The following COBLL1 variants were observed in gnomAD, a reference collection of about 807,000 sequenced individuals.
COBLL1 encodes the protein cordon-bleu protein-like 1.
A neutral mutation model predicts 94.8 loss-of-function variants in COBLL1; 50 were observed. The ratio of observed to expected loss-of-function variants is 0.53; its 90% CI spans 0.42 to 0.67. The LOEUF is 0.67. Among genes scored for constraint, COBLL1 ranks in the 30% least tolerant of loss-of-function variants. The probability of loss-of-function intolerance (pLI) is 0.00; values close to 1 mark genes in which losing one functional copy is unlikely to be tolerated. For synonymous variants in COBLL1, 448 were observed against 473.8 expected (o/e 0.95, Z 0.71); for missense variants, 1,362 against 1,348.7 (o/e 1.01, Z -0.15).
chr2:164,692,200 C>T, intron 13 of COBLL1, 21 bp downstream of exon 13: 1 of 1,561,878 alleles, frequency 6.4e-7, no homozygotes, highest in Non-Finnish European at 8.6e-7. Context: ...CACTGTCACC[C>T]ATCTGATAAA....
At chr2:164,794,388 C>T (rs1164803264) in intron 2 of COBLL1, among the ~76,000 whole-genome samples, 2 of 152,002 alleles carry the variant, frequency 1.3e-5, no homozygotes, top group African/African-American at 4.8e-5. Flanking sequence ...GTATGTTACA[C>T]CTAGGGAAGG....
Position 164,841,009 on chromosome 2 carries a change from C to G in COBLL1, c.41+147G>C. On this transcript the variant is annotated intron_variant, in intron 2 of 13. Transcript: ENST00000652658. The surrounding 1 kb of genome is among the most constrained non-coding windows in gnomAD (Gnocchi z 5.5). ...GGCCTCCGAGAAGGCCGGGAGGAAG[C>G]AGCCTCCCCGGCCGCGTGGAGGACA... 1 of 897,366 alleles carries G rather than the reference C, an allele frequency of 1.1e-6. No homozygotes were observed. Among genetic ancestry groups the G allele is most frequent in the Non-Finnish European group, 1.5e-6 (1 of 685,394 alleles). The allele number at this position is 897,366 out of a possible 1,614,324, so 55.6% of individuals were successfully genotyped here. A position where few individuals can be genotyped will look rare whatever the true frequency, so the allele number is the denominator to read the frequency against.
At chr2:164,781,042 C>T (rs1338810162) in intron 2 of COBLL1, among the ~76,000 whole-genome samples, 1 of 152,128 alleles carries the variant, frequency 6.6e-6, no homozygotes, top group African/African-American at 2.4e-5. Flanking sequence ...ACAGCAGTAA[C>T]GCATTTCCCT....
At chr2:164,718,470 T>C (rs1231669445) in intron 7 of COBLL1, among the ~76,000 whole-genome samples, 1 of 152,172 alleles carries the variant, frequency 6.6e-6, no homozygotes, top group East Asian at 1.9e-4. Flanking sequence ...ATGTAGTATA[T>C]GGCCACCTGA....
chr2:164,702,691 G>A (rs1295996871), intron 9 of COBLL1, among the ~76,000 whole-genome samples: 2 of 151,798 alleles, frequency 1.3e-5, no homozygotes, highest in Non-Finnish European at 2.9e-5. Flanking sequence ...TGTCACCCAG[G>A]CTGGAGTTCA....
At chr2:164,697,828 T>TA (rs1256320396) in intron 11 of COBLL1, 1 of 152,096 alleles carries the variant, frequency 6.6e-6, no homozygotes, top group Non-Finnish European at 1.5e-5. Context: ...ACAATGATGT[T>TA]AACCAAGTGT....
In COBLL1 at chr2:164,686,590, A is replaced by T. The variant is rs113299474; in HGVS notation, c.3301-558T>A. 2.8e-3 allele frequency among the ~76,000 whole-genome samples: 379 copies of T among 133,416 alleles called. 4 individuals are homozygous for T. Among genetic ancestry groups the T allele is most frequent in the African/African-American group, 8.4e-3 (314 of 37,574 alleles). 87.5% of individuals were successfully genotyped at this position (133,416 alleles called of 152,430 possible). On this transcript the variant is annotated intron_variant, in intron 13 of 13. Coordinates refer to ENST00000652658, the MANE Select transcript of COBLL1 (RefSeq NM_001365672.2). ...TGTTAAGCCAAATGACTGAAGACTG[A>T]AAAGGAGTTTTTTTTTTTTCCTTAG... is the stretch of plus-strand genomic sequence containing the variant.
intron 11 of COBLL1, chr2:164,696,926 C>T (rs1683978908): frequency 1.3e-5 from 2 of 152,198 alleles, no homozygotes; most frequent in South Asian, 2.1e-4. Flanking sequence ...AAATGTGAGC[C>T]TTGGGGGTCA....
rs768507298 is a variant in COBLL1, at chr2:164,691,940, TA to T, written c.3300+280del. Among the ~76,000 whole-genome samples the T allele has an allele frequency of 6.4e-4, 98 of 152,314 alleles. No individual in the cohort carries two copies. The Middle Eastern group carries it at 0.02, about 32-fold the overall frequency. ...AAGAGTCTTTCTCGAGGTGCTAACA[TA>T]ATCTCTTAAAATCAGAGTCCAGGGT... On this transcript the variant is annotated intron_variant, in intron 13 of 13. Coordinates refer to ENST00000652658, the MANE Select transcript of COBLL1 (RefSeq NM_001365672.2).
chr2:164,780,235 T>A (rs1688671233), intron 2 of COBLL1, among the ~76,000 whole-genome samples: 1 of 152,120 alleles, frequency 6.6e-6, no homozygotes, highest in African/African-American at 2.4e-5. Flanking sequence ...GGGACTGTTG[T>A]AACCAAAGTT....
intron 2 of COBLL1, among the ~76,000 whole-genome samples, chr2:164,765,654 A>C (rs1414309015): frequency 6.6e-6 from 1 of 152,074 alleles, no homozygotes; most frequent in African/African-American, 2.4e-5. Flanking sequence ...AGTAATGAAT[A>C]CTCTCACCTT....
chr2:164,716,218 C>A (rs915359529), intron 7 of COBLL1, among the ~76,000 whole-genome samples: 3 of 152,096 alleles, frequency 2.0e-5, no homozygotes, highest in Non-Finnish European at 4.4e-5. Flanking sequence ...TCAATGTAAT[C>A]GAATTTCTGA....
intron 2 of COBLL1, among the ~76,000 whole-genome samples, chr2:164,818,528 TATAC>T (rs1344530639): frequency 6.9e-6 from 1 of 144,358 alleles, no homozygotes; most frequent in Admixed American, 7.1e-5. Flanking sequence ...TTATATACAA[TATAC>T]ATATTTACAT....
intron 7 of COBLL1, chr2:164,718,166 G>T: frequency 1.5e-6 from 1 of 668,268 alleles, no homozygotes; most frequent in Non-Finnish European, 1.8e-6. Context: ...TATGAAAGCA[G>T]TGATTAATGT....
At chr2:164,798,454 G>A (rs891705072) in intron 2 of COBLL1, among the ~76,000 whole-genome samples, 3 of 152,122 alleles carry the variant, frequency 2.0e-5, no homozygotes, top group Non-Finnish European at 4.4e-5. Flanking sequence ...TTACTCTGAC[G>A]TTACATACTC....
intron 3 of COBLL1, among the ~76,000 whole-genome samples, chr2:164,741,893 G>A (rs1686618725): frequency 1.3e-5 from 2 of 152,134 alleles, no homozygotes; most frequent in Admixed American, 1.3e-4. Flanking sequence ...TTAGACTTGA[G>A]GAGGATGAAG....
rs1295916082 is a variant in COBLL1, at chr2:164,695,489, T to C, written c.1903A>G (p.Asn635Asp). ...SKVEECVQTS[N>D]NNISTQHSCL... is the part of the protein sequence containing the mutation. ...GAGTGTTGAGTTGATATGTTGTTAT[T>C]TGAAGTTTGCACACATTCTTCAACT... is the stretch of plus-strand genomic sequence containing the variant. Residue 635 changes from asparagine (N) to aspartate (D), a missense_variant, in exon 12 of 14, where the codon AAT becomes GAT. Coordinates refer to ENST00000652658, the MANE Select transcript of COBLL1 (RefSeq NM_001365672.2). 2.5e-6 allele frequency: 4 copies of C among 1,613,988 alleles called. No homozygotes were observed. In the East Asian group the frequency reaches 6.7e-5, roughly 27 times the overall value.
intron 10 of COBLL1, 66 bp downstream of exon 10, chr2:164,700,456 A>T: frequency 1.0e-6 from 1 of 955,364 alleles, no homozygotes; most frequent in Non-Finnish European, 1.6e-6. Flanking sequence ...TATCAGATCT[A>T]TATTTCAGAA....
intron 2 of COBLL1, among the ~76,000 whole-genome samples, chr2:164,830,459 T>C (rs1453245858): frequency 6.6e-6 from 1 of 152,194 alleles, no homozygotes; most frequent in African/African-American, 2.4e-5. Flanking sequence ...TACTAAATGA[T>C]ACACAAAAAA....
Sources: gnomAD v4.1 joint callset for allele counts (sites outside exome capture counted in the v4.1 genomes callset) on GRCh38, gnomAD v4.1.1 for gene constraint, Gnocchi (gnomAD v3.1) non-coding constraint, MANE v1.5 for transcripts, NCBI Gene and HGNC (gene_info 2026-07-23, HGNC 2026-07-21) for gene names.